CHKA: variants seen among roughly 807,000 people sequenced by gnomAD.
The protein encoded by CHKA is choline kinase alpha.
CHKA carries 34 observed loss-of-function variants against 60.1 expected under a neutral mutation model. That is an observed-to-expected ratio of 0.57 (90% confidence interval 0.43 to 0.75). The LOEUF is 0.75. Among genes scored for constraint, CHKA ranks in the 30% least tolerant of loss-of-function variants. The pLI is 0.00. For missense variants in CHKA, 563 were observed against 561.3 expected, an observed-to-expected ratio of 1.00 and a Z score of -0.03; for synonymous variants, 217 against 223.1, an observed-to-expected ratio of 0.97 and a Z score of 0.24.
chr11:68,079,732 C>T (rs1377018600), intron 3 of CHKA, among the ~76,000 whole-genome samples: 2 of 152,134 alleles, frequency 1.3e-5, no homozygotes, highest in Admixed American at 6.5e-5. Flanking sequence ...AGACTGAAAT[C>T]GGCCGGGCGA....
rs548895372 is a variant in CHKA, at chr11:68,106,788, C to T, written c.351-9658G>A. ...GCCAGAAGGAAGAAAGGATAAAGCT[C>T]AGTCTTAAGAATTCTACTCCAGCAC... On this transcript the variant is annotated intron_variant, in intron 1 of 11. Transcript: ENST00000265689. Among the ~76,000 whole-genome samples the T allele has an allele frequency of 3.9e-5, 6 of 152,292 alleles. No individual in the cohort carries two copies. In the South Asian group the frequency reaches 1.2e-3, roughly 32 times the overall value.
At chr11:68,060,697 G>C (rs1856204137) in intron 11 of CHKA, among the ~76,000 whole-genome samples, 1 of 152,158 alleles carries the variant, frequency 6.6e-6, no homozygotes, top group African/African-American at 2.4e-5. Flanking sequence ...GCAAGACAAG[G>C]GTTTTTAATG....
At chr11:68,063,118 C>T (rs1001473877) in intron 10 of CHKA, among the ~76,000 whole-genome samples, 3 of 152,074 alleles carry the variant, frequency 2.0e-5, no homozygotes, top group Admixed American at 6.5e-5. Context: ...GACTTAAAAC[C>T]GATAAACATA....
rs756092214 is a variant in CHKA, at chr11:68,121,188, C to A, written c.-11G>T. On this transcript the variant is annotated 5_prime_UTR_variant, in exon 1 of 12. Coordinates refer to ENST00000265689, the MANE Select transcript of CHKA (RefSeq NM_001277.3). Reference sequence around the variant, plus strand: ...GAATTTGGTTTTCATGCCCGACAGGCGGCCGAGGAGGCGCGGGCGGCCGCA... The same window carrying A: ...GAATTTGGTTTTCATGCCCGACAGGAGGCCGAGGAGGCGCGGGCGGCCGCA... 5.9e-5 allele frequency: 69 copies of A among 1,171,656 alleles called. No individual in the cohort carries two copies. In the Admixed American group the frequency reaches 2.8e-3, roughly 47 times the overall value. 72.6% of individuals were successfully genotyped at this position (1,171,656 alleles called of 1,614,324 possible).
chr11:68,113,081 C>CAAAAAAAAAAAAAAAAAA, intron 1 of CHKA, among the ~76,000 whole-genome samples: 1 of 14,532 alleles, frequency 6.9e-5, no homozygotes, highest in Non-Finnish European at 1.4e-4. Flanking sequence ...GACTCCGTCT[C>CAAAAAAAAAAAAAAAAAA]AAAAAAAAAA....
chr11:68,119,581 T>C (rs947537386), intron 1 of CHKA, among the ~76,000 whole-genome samples: 1 of 152,174 alleles, frequency 6.6e-6, no homozygotes, highest in African/African-American at 2.4e-5. Context: ...GCGATTCTCC[T>C]GCCTCAGCCT....
At position 68,121,123 on chromosome 11, in the gene CHKA, G is replaced by A. The variant is rs1858631189; in HGVS notation, c.55C>T (p.Leu19=). 2 of 1,203,718 alleles carry A rather than the reference G, an allele frequency of 1.7e-6. No homozygotes were observed. Among genetic ancestry groups the A allele is most frequent in the Non-Finnish European group, 2.1e-6 (2 of 963,924 alleles). 74.6% of individuals were successfully genotyped at this position (1,203,718 alleles called of 1,614,324 possible). A position where few individuals can be genotyped will look rare whatever the true frequency, so the allele number is the denominator to read the frequency against. The part of the protein sequence containing the change: ...GEAEPSPLGL[L]LSCGSGSAAP... Reference sequence around the variant, plus strand: ...GCGCTGCCGCTACCGCAGCTCAGCAGCAGCCCGAGCGGCGAGGGCTCCGCC... The same window carrying A: ...GCGCTGCCGCTACCGCAGCTCAGCAACAGCCCGAGCGGCGAGGGCTCCGCC... The change falls in exon 1 of 12, where the codon CTG becomes TTG. Residue 19 remains leucine, a synonymous_variant. Transcript: ENST00000265689.
Position 68,074,757 on chromosome 11 carries a change from T to C in CHKA, c.590A>G (p.Tyr197Cys), listed in dbSNP as rs1856731524. 1.2e-6 allele frequency: 2 copies of C among 1,614,182 alleles called. No homozygotes were observed. Among genetic ancestry groups the C allele is most frequent in the Non-Finnish European group, 1.7e-6 (2 of 1,180,022 alleles). The change falls in exon 4 of 12, where the codon TAT becomes TGT. Residue 197 changes from tyrosine to cysteine, a missense_variant. Transcript: ENST00000265689. ...CAGTCGGCCTTGGGGAAAGATGCCATAGAGTTTTGGCCCAAGTGACCTCTC... is the reference window on the plus strand; with the variant it reads ...CAGTCGGCCTTGGGGAAAGATGCCACAGAGTTTTGGCCCAAGTGACCTCTC... ...LAERSLGPKL[Y>C]GIFPQGRLEQ...
rs973562051 is a variant in CHKA, at chr11:68,053,631, T to C, written c.*357A>G. On this transcript the variant is annotated 3_prime_UTR_variant, in exon 12 of 12. Coordinates refer to ENST00000265689, the MANE Select transcript of CHKA (RefSeq NM_001277.3). ...CATTCATGAAAATTTAAATCAACAT[T>C]AACCAAAGTACCTGCAAGTAACACT... is the stretch of plus-strand genomic sequence containing the variant. The C allele has an allele frequency of 4.4e-6, 1 of 226,446 alleles. No homozygotes were observed. Among genetic ancestry groups the C allele is most frequent in the Non-Finnish European group, 8.8e-6 (1 of 113,690 alleles). The allele number at this position is 226,446 out of a possible 1,614,324, so 14.0% of individuals were successfully genotyped here. A position where few individuals can be genotyped will look rare whatever the true frequency, so the allele number is the denominator to read the frequency against.
rs1856378528 is a variant in CHKA at position 68,064,626 on chromosome 11, A to T, written c.1131T>A (p.His377Gln). Reference protein sequence around the residue: ...RKYPTKKQQLHFISSYLPAFQ... With the variant: ...RKYPTKKQQLQFISSYLPAFQ... ...ATGCAGGCAAGTAACTGGAAATAAA[A>T]TGGAGCTTAAAAAAAAGTAATTGTG... Residue 377 changes from histidine (H) to glutamine (Q), a missense_variant, in exon 10 of 12, where the codon CAT becomes CAA. Transcript: ENST00000265689. 1 of 1,575,672 alleles carries T rather than the reference A, an allele frequency of 6.3e-7. No individual in the cohort carries two copies. Among genetic ancestry groups the T allele is most frequent in the Non-Finnish European group, 8.6e-7 (1 of 1,158,384 alleles).
rs376062002 is a variant in CHKA at position 68,057,521 on chromosome 11, G to A, written c.1315-3474C>T. On this transcript the variant is annotated intron_variant, in intron 11 of 11. Coordinates refer to ENST00000265689, the MANE Select transcript of CHKA (RefSeq NM_001277.3). ...TTTTTAGTAGAGACAAGGTTTCACCGTGTTAGCCAGGATGGTCTCAATCTC... is the reference window on the plus strand; with the variant it reads ...TTTTTAGTAGAGACAAGGTTTCACCATGTTAGCCAGGATGGTCTCAATCTC... 8.5e-5 allele frequency among the ~76,000 whole-genome samples: 13 copies of A among 152,172 alleles called. No individual in the cohort carries two copies. The East Asian group carries it at 1.4e-3, about 16-fold the overall frequency.
At chr11:68,116,529 T>C (rs1026953694) in intron 1 of CHKA, among the ~76,000 whole-genome samples, 2 of 151,672 alleles carry the variant, frequency 1.3e-5, no homozygotes, top group Non-Finnish European at 2.9e-5. Context: ...CTGGCCAACA[T>C]GTGAAACCTT....
intron 8 of CHKA, 114 bp downstream of exon 8, chr11:68,066,304 TTCCAGGTGAAG>T: frequency 1.3e-6 from 1 of 767,280 alleles, no homozygotes; most frequent in Non-Finnish European, 2.2e-6. Context: ...AAGCCACTGA[TTCCAGGTGAAG>T]CAGCTTGCAA....
chr11:68,089,328 G>A (rs1857278552), intron 2 of CHKA, among the ~76,000 whole-genome samples: 1 of 152,178 alleles, frequency 6.6e-6, no homozygotes, highest in Admixed American at 6.5e-5. Flanking sequence ...CGGGAAGTGT[G>A]CCTTCACTAC....
In CHKA at chr11:68,121,209, C is replaced by CCG; in HGVS notation, c.-34_-33dup. 1 of 1,146,548 alleles carries CCG rather than the reference C, an allele frequency of 8.7e-7. No individual in the cohort carries two copies. The highest frequency in any genetic ancestry group is 1.1e-6 in the Non-Finnish European group (1 of 932,788). The allele number at this position is 1,146,548 out of a possible 1,614,324, so 71.0% of individuals were successfully genotyped here. Reference sequence around the variant, plus strand: ...CAGGCGGCCGAGGAGGCGCGGGCGGCCGCAGCGCGAGAGGACTAGGCTCAG... The same window carrying CCG: ...CAGGCGGCCGAGGAGGCGCGGGCGGCCGCGCAGCGCGAGAGGACTAGGCTCAG... On this transcript the variant is annotated 5_prime_UTR_variant, in exon 1 of 12. Transcript: ENST00000265689.
intron 1 of CHKA, among the ~76,000 whole-genome samples, chr11:68,112,053 CAAAAAAAAAAAAAA>C (rs754639082): frequency 4.8e-5 from 1 of 20,900 alleles, no homozygotes; most frequent in Non-Finnish European, 7.5e-5. Context: ...AACTCCGTCT[CAAAAAAAAAAAAAA>C]AAAAAAAAAA....
intron 5 of CHKA, 53 bp from the exon 6 acceptor site, chr11:68,070,346 C>T: frequency 7.8e-7 from 1 of 1,276,016 alleles, no homozygotes. Flanking sequence ...GATCAATTCA[C>T]CAAGGCTTGC....
chr11:68,119,911 G>A (rs553672274), intron 1 of CHKA, among the ~76,000 whole-genome samples: 1 of 152,014 alleles, frequency 6.6e-6, no homozygotes, highest in South Asian at 2.1e-4. Context: ...TCAAATTTAA[G>A]ATTAAATATT....
At chr11:68,072,191 T>C (rs1035497481) in intron 4 of CHKA, among the ~76,000 whole-genome samples, 2 of 152,176 alleles carry the variant, frequency 1.3e-5, no homozygotes, top group African/African-American at 4.8e-5. Context: ...TATTCTCACA[T>C]GCCCTTTGAA....
Sources: allele counts gnomAD v4.1 joint callset (sites outside exome capture counted in the v4.1 genomes callset), GRCh38; gene constraint gnomAD v4.1.1; transcripts MANE v1.5; gene names NCBI Gene and HGNC (gene_info 2026-07-23, HGNC 2026-07-21).